CDC25C: variants seen among roughly 807,000 people sequenced by gnomAD.
CDC25C encodes the protein M-phase inducer phosphatase 3.
Under a neutral mutation model 52.5 loss-of-function variants are expected in CDC25C, and 48 were observed. The observed-to-expected ratio is 0.91, with a 90% CI of 0.72 to 1.16. The LOEUF is 1.16. Ranked by LOEUF, CDC25C falls within the 50% of genes most tolerant of loss-of-function variation. CDC25C has a pLI of 0.00. For synonymous variants in CDC25C, 187 were observed against 206.5 expected (o/e 0.91, Z 0.81); for missense variants, 510 against 566.1 (o/e 0.90, Z 1.01).
intron 4 of CDC25C, among the ~76,000 whole-genome samples, chr5:138,327,851 T>G (rs778659474): frequency 6.6e-6 from 1 of 152,096 alleles, no homozygotes; most frequent in Non-Finnish European, 1.5e-5. Context: ...ATTCCAGAGC[T>G]TATACTCTGT....
chr5:138,318,604 A>G (rs1191869353), intron 7 of CDC25C, among the ~76,000 whole-genome samples: 1 of 150,656 alleles, frequency 6.6e-6, no homozygotes, highest in Non-Finnish European at 1.5e-5. Flanking sequence ...AATCCCAGCT[A>G]CTCGAGAGGC....
At chr5:138,293,410 T>C (rs759363600) in intron 7 of CDC25C, among the ~76,000 whole-genome samples, 3 of 152,110 alleles carry the variant, frequency 2.0e-5, no homozygotes, top group Non-Finnish European at 4.4e-5. Context: ...ACGAAGCCAG[T>C]GATGCATGAA....
At chr5:138,327,091 C>T (rs971061152) in intron 4 of CDC25C, among the ~76,000 whole-genome samples, 18 of 147,674 alleles carry the variant, frequency 1.2e-4, no homozygotes, top group South Asian at 4.3e-4. Context: ...CCTGTCTCTA[C>T]TAAAAATACA....
chr5:138,337,808 G>GA (rs1760815921), intron 1 of CDC25C: 7 of 443,900 alleles, frequency 1.6e-5, no homozygotes, highest in Admixed American at 1.5e-4. Context: ...GGGGAAGGGG[G>GA]ATTCCTTCGA....
At chr5:138,292,733 T>C (rs919572409) in intron 7 of CDC25C, among the ~76,000 whole-genome samples, 6 of 152,166 alleles carry the variant, frequency 3.9e-5, no homozygotes, top group Admixed American at 3.3e-4. Context: ...GCCTTGAGAA[T>C]TGCTTACACA....
rs535156601 is a variant in CDC25C at position 138,296,411 on chromosome 5, T to A, written c.616-4295A>T. Among the ~76,000 whole-genome samples, 4 of 151,500 alleles carry A rather than the reference T, an allele frequency of 2.6e-5. No homozygotes were observed. In the East Asian group the frequency reaches 7.8e-4, roughly 30 times the overall value. On this transcript the variant is annotated intron_variant, in intron 7 of 13. Coordinates refer to ENST00000323760, the MANE Select transcript of CDC25C (RefSeq NM_001790.5). ...CCACCACCCCTGGCTAATTTTTGTATTTGTATTTTATTTTTTTGAGACAGA... is the reference window on the plus strand; with the variant it reads ...CCACCACCCCTGGCTAATTTTTGTAATTGTATTTTATTTTTTTGAGACAGA...
rs201904976 is a variant in CDC25C, at chr5:138,331,081, C to G, written c.100G>C (p.Glu34Gln). ...NQRKMLNLLL[E>Q]RDTSFTVCPD... ...CAGACGGTAAAGGAAGTGTCTCTCT[C>G]CAGGAGCAGGTTTAACATTTTCCTT... The change falls in exon 2 of 14, where the codon GAG becomes CAG. Residue 34 changes from glutamate (E) to glutamine (Q), a missense_variant. Glu to Gln is a conservative substitution (Grantham distance 29). Coordinates refer to ENST00000323760, the MANE Select transcript of CDC25C (RefSeq NM_001790.5). The G allele has an allele frequency of 1.8e-4, 286 of 1,614,034 alleles. No individual in the cohort carries two copies. Among genetic ancestry groups the G allele is most frequent in the Non-Finnish European group, 2.2e-4 (263 of 1,179,982 alleles).
At position 138,285,834 on chromosome 5, in the gene CDC25C, C is replaced by T; in HGVS notation, c.1280G>A (p.Cys427Tyr). 1.2e-6 allele frequency: 2 copies of T among 1,614,134 alleles called. No individual in the cohort carries two copies. Among genetic ancestry groups the T allele is most frequent in the African/African-American group, 1.3e-5 (1 of 75,038 alleles). ...RDFFPEYMEL[C>Y]EPQSYCPMHH... The stretch of plus-strand genomic sequence containing the variant: ...CATAGGGCAGTAGCTCTGTGGTTCA[C>T]ACAGTTCCTGAAAGGTAAGGAACAG... Residue 427 changes from cysteine (C) to tyrosine (Y), a missense_variant, in exon 14 of 14, where the codon TGT becomes TAT. Coordinates refer to ENST00000323760, the MANE Select transcript of CDC25C (RefSeq NM_001790.5).
chr5:138,336,133 TTG>T (rs1445184516), upstream of CDC25C, among the ~76,000 whole-genome samples: 1 of 99,962 alleles, frequency 1.0e-5, no homozygotes, highest in South Asian at 5.4e-4. Context: ...TTTTGTTCAT[TTG>T]TTTTTTTTTT....
intron 7 of CDC25C, among the ~76,000 whole-genome samples, chr5:138,317,682 TAA>T (rs70982706): frequency 9.0e-4 from 49 of 54,256 alleles, no homozygotes; most frequent in African/African-American, 3.0e-3. Context: ...CCTGTCTATC[TAA>T]AAAAAAAAAA....
chr5:138,314,033 G>A (rs976210194), intron 7 of CDC25C, among the ~76,000 whole-genome samples: 15 of 108,136 alleles, frequency 1.4e-4, no homozygotes, highest in Non-Finnish European at 2.2e-4. Context: ...TTGCTCTGTC[G>A]CACCCAGGCT....
At chr5:138,301,320 C>T (rs1757610589) in intron 7 of CDC25C, among the ~76,000 whole-genome samples, 1 of 152,126 alleles carries the variant, frequency 6.6e-6, no homozygotes, top group Admixed American at 6.6e-5. Context: ...TTTTTAACAA[C>T]TTTATGCCAC....
intron 4 of CDC25C, among the ~76,000 whole-genome samples, chr5:138,327,815 G>T (rs550242168): frequency 6.6e-6 from 1 of 151,546 alleles, no homozygotes; most frequent in South Asian, 2.1e-4. Flanking sequence ...GGTGAATGAA[G>T]TAGTAAGCCA....
At chr5:138,302,514 A>G (rs1757704843) in intron 7 of CDC25C, among the ~76,000 whole-genome samples, 1 of 151,464 alleles carries the variant, frequency 6.6e-6, no homozygotes, top group Non-Finnish European at 1.5e-5. Flanking sequence ...AGACTAACCA[A>G]CATAGAGAAA....
intron 6 of CDC25C, 131 bp downstream of exon 6, chr5:138,325,684 T>C (rs1759792039): frequency 3.0e-6 from 2 of 656,482 alleles, no homozygotes; most frequent in Non-Finnish European, 5.1e-6. Flanking sequence ...AGAAATTTTC[T>C]CCCCTATAGT....
In CDC25C at chr5:138,289,519, C is replaced by CT. The variant is rs1561667817; in HGVS notation, c.908dup (p.Tyr304ValfsTer20). On this transcript the variant is annotated frameshift_variant, in exon 10 of 14. Coordinates refer to ENST00000323760, the MANE Select transcript of CDC25C (RefSeq NM_001790.5). LOFTEE classifies it high-confidence loss of function. ...TGCTTACTGTTTCTGGGTTGACATA[C>CT]TTCAGATCTTGGTGTTTCCCTGACA... is the stretch of plus-strand genomic sequence containing the variant. 3.1e-6 allele frequency: 5 copies of CT among 1,613,682 alleles called. No individual in the cohort carries two copies. Among genetic ancestry groups the CT allele is most frequent in the African/African-American group, 1.3e-5 (1 of 75,034 alleles).
intron 7 of CDC25C, among the ~76,000 whole-genome samples, chr5:138,300,119 G>C (rs1017399181): frequency 1.3e-5 from 2 of 152,082 alleles, no homozygotes; most frequent in Non-Finnish European, 2.9e-5. Context: ...AGGATTGCTG[G>C]AGCACACAGG....
rs192341016 is a variant in CDC25C at position 138,303,778 on chromosome 5, C to T, written c.616-11662G>A. ...TTCACCATAGTATTTTTACCATCTG[C>T]CATATTACAAATGTATTTGTCTGTC... On this transcript the variant is annotated intron_variant, in intron 7 of 13. Coordinates refer to ENST00000323760, the MANE Select transcript of CDC25C (RefSeq NM_001790.5). Among the ~76,000 whole-genome samples the T allele has an allele frequency of 2.0e-4, 31 of 152,218 alleles. 1 individual carries two copies. The East Asian group carries it at 6.0e-3, about 29-fold the overall frequency.
intron 6 of CDC25C, among the ~76,000 whole-genome samples, chr5:138,321,535 C>T (rs900285110): frequency 1.3e-5 from 2 of 151,822 alleles, no homozygotes; most frequent in Admixed American, 6.6e-5. Flanking sequence ...AGGTGGATCA[C>T]GAGGTCAGGA....
Sources: allele counts gnomAD v4.1 joint callset (sites outside exome capture counted in the v4.1 genomes callset), GRCh38; gene constraint gnomAD v4.1.1; transcripts MANE v1.5; gene names NCBI Gene and HGNC (gene_info 2026-07-23, HGNC 2026-07-21).